ERI1: variants seen among roughly 807,000 people sequenced by gnomAD.
ERI1 encodes the protein exoribonuclease 1, also known as 3'-5' exoribonuclease 1.
Under a neutral mutation model 39.7 loss-of-function variants are expected in ERI1, and 39 were observed. The observed-to-expected ratio is 0.98, with a 90% CI of 0.76 to 1.28. ERI1 has a LOEUF of 1.28. Ranked by LOEUF, ERI1 falls within the 50% of genes most tolerant of loss-of-function variation. ERI1 has a pLI of 0.00. For synonymous variants in ERI1, 204 were observed against 149.6 expected, an observed-to-expected ratio of 1.36 and a Z score of -2.65; for missense variants, 581 against 416.9, an observed-to-expected ratio of 1.39 and a Z score of -3.43.
chr8:9,061,579 GA>G (rs1293041961), intron 3 of ERI1, among the ~76,000 whole-genome samples: 1 of 152,234 alleles, frequency 6.6e-6, no homozygotes, highest in Non-Finnish European at 1.5e-5. Context: ...TGTTTGGACA[GA>G]AAGGCTACAC....
chr8:9,091,356 A>C (rs1799697985), intron 3 of ERI1: 1 of 152,174 alleles, frequency 6.6e-6, no homozygotes, highest in Non-Finnish European at 1.5e-5. Context: ...CCCTGTCTCT[A>C]CTAAAAATAC....
At chr8:9,096,102 T>G (rs947958831) in intron 3 of ERI1, among the ~76,000 whole-genome samples, 2 of 152,216 alleles carry the variant, frequency 1.3e-5, no homozygotes, top group Non-Finnish European at 2.9e-5. Flanking sequence ...GGACGTTTAC[T>G]TTGGGCCATT....
intron 3 of ERI1, among the ~76,000 whole-genome samples, chr8:9,044,977 C>T (rs1232265152): frequency 6.6e-6 from 1 of 152,142 alleles, no homozygotes; most frequent in African/African-American, 2.4e-5. Flanking sequence ...GTGGCTCAAG[C>T]CTGTAATCCC....
chr8:9,097,286 C>T (rs761093485), intron 3 of ERI1, among the ~76,000 whole-genome samples: 26 of 152,122 alleles, frequency 1.7e-4, no homozygotes, highest in African/African-American at 5.8e-4. Flanking sequence ...CATTAACAGT[C>T]GAGTGTTTTT....
chr8:9,033,009 T>G lies in ERI1; in HGVS notation c.*2975T>G, dbSNP rs1797697633. On this transcript the variant is annotated 3_prime_UTR_variant, in exon 7 of 7. Coordinates refer to ENST00000250263, the MANE Select transcript of ERI1 (RefSeq NM_153332.4). ...GATTCCAGCGACATATGATAAAATG[T>G]TTTGCACATAGTTGAATCCAGCGTT... The G allele has an allele frequency of 6.6e-6, 1 of 152,180 alleles. No individual in the cohort carries two copies. Among genetic ancestry groups the G allele is most frequent in the South Asian group, 2.1e-4 (1 of 4,832 alleles). The allele number at this position is 152,180 out of a possible 1,614,324, so 9.4% of individuals were successfully genotyped here.
At chr8:9,023,224 T>G (rs897315623) in intron 6 of ERI1, among the ~76,000 whole-genome samples, 1 of 152,172 alleles carries the variant, frequency 6.6e-6, no homozygotes, top group Non-Finnish European at 1.5e-5. Flanking sequence ...TTTAAGAAAC[T>G]GAGTCATTTG....
At chr8:9,084,207 G>A (rs1374216208) in intron 3 of ERI1, among the ~76,000 whole-genome samples, 5 of 152,160 alleles carry the variant, frequency 3.3e-5, no homozygotes, top group Non-Finnish European at 7.3e-5. Context: ...GGTTGCAGCA[G>A]TGAGCTTTCG....
At chr8:9,070,075 C>T (rs545770273) in intron 3 of ERI1, among the ~76,000 whole-genome samples, 1 of 152,012 alleles carries the variant, frequency 6.6e-6, no homozygotes, top group East Asian at 1.9e-4. Context: ...CCTGCCTCTA[C>T]TAAAAATACA....
At chr8:9,053,680 G>GC (rs1340543998) in intron 3 of ERI1, among the ~76,000 whole-genome samples, 1 of 152,160 alleles carries the variant, frequency 6.6e-6, no homozygotes, top group Non-Finnish European at 1.5e-5. Flanking sequence ...GACCCCACTG[G>GC]CCCTGGACGT....
At chr8:9,068,425 C>G (rs1228006870) in intron 3 of ERI1, among the ~76,000 whole-genome samples, 1 of 152,166 alleles carries the variant, frequency 6.6e-6, no homozygotes, top group African/African-American at 2.4e-5. Context: ...CAGGCCAGAA[C>G]CTCTGGGCTC....
chr8:9,039,149 T>C (rs1797943109), intron 3 of ERI1, among the ~76,000 whole-genome samples: 1 of 152,238 alleles, frequency 6.6e-6, no homozygotes, highest in African/African-American at 2.4e-5. Context: ...TCATTATACC[T>C]GTTACTCTTT....
chr8:9,078,248 C>G (rs1013337300), intron 3 of ERI1, among the ~76,000 whole-genome samples: 2 of 152,208 alleles, frequency 1.3e-5, no homozygotes, highest in African/African-American at 2.4e-5. Context: ...CTTTGGCCTT[C>G]CAAAATGCTG....
intron 6 of ERI1, among the ~76,000 whole-genome samples, chr8:9,023,329 A>G (rs1818118887): frequency 6.6e-6 from 1 of 151,328 alleles, no homozygotes; most frequent in Admixed American, 6.6e-5. Flanking sequence ...GTCAGTTTAT[A>G]CTCCAGTTGA....
chr8:9,034,625 T>C (rs997006087), downstream of ERI1, among the ~76,000 whole-genome samples: 1 of 152,212 alleles, frequency 6.6e-6, no homozygotes, highest in Non-Finnish European at 1.5e-5. Flanking sequence ...GTTTTCCCCA[T>C]CGCTCCCTCT....
At chr8:9,093,352 G>C (rs755579255) in intron 3 of ERI1, among the ~76,000 whole-genome samples, 1 of 152,148 alleles carries the variant, frequency 6.6e-6, no homozygotes, top group Non-Finnish European at 1.5e-5. Flanking sequence ...CTGCAGGTTG[G>C]ACAAGCTTGA....
chr8:9,077,991 TTTTTTC>T (rs1799260120), intron 3 of ERI1, among the ~76,000 whole-genome samples: 1 of 152,198 alleles, frequency 6.6e-6, no homozygotes, highest in South Asian at 2.1e-4. Context: ...TCTTTTTTTC[TTTTTTC>T]TTTTTCTTTT....
intron 3 of ERI1, among the ~76,000 whole-genome samples, chr8:9,075,208 C>G (rs1424908899): frequency 2.0e-5 from 3 of 152,230 alleles, no homozygotes; most frequent in Non-Finnish European, 4.4e-5. Context: ...ACCAAAACAT[C>G]TTATCAGCTG....
intron 3 of ERI1, among the ~76,000 whole-genome samples, chr8:9,074,729 C>T (rs996119405): frequency 1.3e-5 from 2 of 152,194 alleles, no homozygotes; most frequent in Non-Finnish European, 2.9e-5. Flanking sequence ...GCCACTGCGC[C>T]CAGCCAGTAC....
chr8:9,047,502 C>A lies in ERI1; in HGVS notation n.299+27038C>A, dbSNP rs1798210671. Reference sequence around the variant, plus strand: ...CCAGCCTGGGCAACATAGCAAGACCCCATCTCTAAAAAAAAAAAAGTTTTT... The same window carrying A: ...CCAGCCTGGGCAACATAGCAAGACCACATCTCTAAAAAAAAAAAAGTTTTT... On this transcript the variant is annotated intron_variant and non_coding_transcript_variant, in intron 3 of 3. Coordinates refer to the ERI1 transcript ENST00000518663. Among the ~76,000 whole-genome samples, 5 of 152,030 alleles carry A rather than the reference C, an allele frequency of 3.3e-5. No homozygotes were observed. The South Asian group carries it at 1.0e-3, about 32-fold the overall frequency.
Sources: allele counts gnomAD v4.1 joint callset (sites outside exome capture counted in the v4.1 genomes callset), GRCh38; gene constraint gnomAD v4.1.1; transcripts MANE v1.5; gene names NCBI Gene and HGNC (gene_info 2026-07-23, HGNC 2026-07-21).